Variants in CDH12 observed in about 807,000 individuals in gnomAD.
The protein encoded by CDH12 is cadherin 12, also known as cadherin-12.
Under a neutral mutation model 74.1 loss-of-function variants are expected in CDH12, and 41 were observed. The ratio of observed to expected loss-of-function variants is 0.55; its 90% CI spans 0.43 to 0.72. The LOEUF is 0.72. Ranked by LOEUF, CDH12 falls within the 30% of genes least tolerant of loss-of-function variation. The pLI is 0.00. For synonymous variants in CDH12, 399 were observed against 355.0 expected (o/e 1.12, Z -1.39); for missense variants, 945 against 977.2 (o/e 0.97, Z 0.44).
chr5:22,485,715 A>G (rs1020067471), intron 2 of CDH12, among the ~76,000 whole-genome samples: 9 of 152,192 alleles, frequency 5.9e-5, no homozygotes, highest in Non-Finnish European at 1.0e-4. Context: ...ATGGACTAAC[A>G]AAACAGGTAC....
intron 4 of CDH12, among the ~76,000 whole-genome samples, chr5:22,209,447 G>A (rs905874578): frequency 2.0e-5 from 3 of 152,234 alleles, no homozygotes; most frequent in East Asian, 1.9e-4. Flanking sequence ...CACTATTAAC[G>A]TGAGTTCCCC....
intron 7 of CDH12, among the ~76,000 whole-genome samples, chr5:21,845,645 G>C (rs1478706868): frequency 1.3e-5 from 2 of 150,728 alleles, no homozygotes; most frequent in African/African-American, 4.9e-5. Context: ...TTCAGTCATA[G>C]CATGTAGAAT....
intron 3 of CDH12, among the ~76,000 whole-genome samples, chr5:22,322,377 A>AAAC (rs1554031531): frequency 6.6e-6 from 1 of 151,854 alleles, no homozygotes; most frequent in African/African-American, 2.4e-5. Context: ...AAAAAAAAAA[A>AAAC]ACATGGTAAT....
intron 5 of CDH12, among the ~76,000 whole-genome samples, chr5:21,979,472 A>G: frequency 6.6e-6 from 1 of 152,190 alleles, no homozygotes; most frequent in Non-Finnish European, 1.5e-5. Flanking sequence ...TCAGAATGTA[A>G]GCAAATCTTT....
chr5:22,292,341 G>GTTTTTTTTTTTT (rs60010478), intron 3 of CDH12, among the ~76,000 whole-genome samples: 5 of 105,400 alleles, frequency 4.7e-5, no homozygotes, highest in Non-Finnish European at 8.0e-5. Flanking sequence ...TTTGGTTTTT[G>GTTTTTTTTTTTT]TTTTTTTTTT....
intron 7 of CDH12, among the ~76,000 whole-genome samples, chr5:21,842,821 C>T (rs963574337): frequency 2.6e-5 from 4 of 152,030 alleles, no homozygotes; most frequent in African/African-American, 9.7e-5. Context: ...ATCTTCATTA[C>T]ATATTTTATT....
At chr5:21,797,707 G>T (rs1034748769) in intron 10 of CDH12, among the ~76,000 whole-genome samples, 10 of 152,232 alleles carry the variant, frequency 6.6e-5, no homozygotes, top group African/African-American at 1.4e-4. Context: ...TACAGCAGGA[G>T]AATTTCTTTC....
chr5:22,552,952 T>C (rs575067369), intron 1 of CDH12, among the ~76,000 whole-genome samples: 6 of 152,278 alleles, frequency 3.9e-5, no homozygotes, highest in South Asian at 2.1e-4. Context: ...ATTAACATTC[T>C]TTTCAATATT....
At chr5:22,494,442 T>C (rs575181054) in intron 2 of CDH12, among the ~76,000 whole-genome samples, 296 of 152,346 alleles carry the variant, frequency 1.9e-3, no homozygotes, top group Middle Eastern at 0.017. Flanking sequence ...TGAACTGAAA[T>C]GATTGGGTAA....
At chr5:22,432,291 T>C in intron 2 of CDH12, among the ~76,000 whole-genome samples, 1 of 152,244 alleles carries the variant, frequency 6.6e-6, no homozygotes, top group Admixed American at 6.5e-5. Flanking sequence ...AGCCTAGGTG[T>C]GTAGTAGGCT....
At chr5:22,077,971 C>T (rs565554243) in intron 5 of CDH12, among the ~76,000 whole-genome samples, 8 of 152,040 alleles carry the variant, frequency 5.3e-5, no homozygotes, top group South Asian at 4.2e-4. Flanking sequence ...CACATTTTAA[C>T]GGGAAAGGAG....
intron 5 of CDH12, among the ~76,000 whole-genome samples, chr5:22,058,563 GT>G (rs1042918639): frequency 7.3e-5 from 11 of 150,092 alleles, no homozygotes; most frequent in South Asian, 4.2e-4. Flanking sequence ...ATTACCGCGG[GT>G]TTTTTTTTAA....
chr5:21,768,255 T>A (rs749495216), intron 11 of CDH12, among the ~76,000 whole-genome samples: 2 of 151,930 alleles, frequency 1.3e-5, no homozygotes, highest in Non-Finnish European at 3.0e-5. Context: ...GAGGCTCATA[T>A]CAGATAACAA....
chr5:22,529,165 G>GTA (rs375609140), intron 1 of CDH12, among the ~76,000 whole-genome samples: 6,663 of 74,716 alleles, frequency 0.089, 239 homozygotes, highest in African/African-American at 0.15. Flanking sequence ...ATACACATGT[G>GTA]TATATATATA....
intron 3 of CDH12, among the ~76,000 whole-genome samples, chr5:22,310,050 G>A (rs1240092009): frequency 6.6e-6 from 1 of 151,884 alleles, no homozygotes; most frequent in African/African-American, 2.4e-5. Flanking sequence ...ACCTAATGTA[G>A]ATGACAGGTC....
intron 6 of CDH12, among the ~76,000 whole-genome samples, chr5:21,914,080 C>T (rs1446230571): frequency 6.6e-6 from 1 of 152,136 alleles, no homozygotes; most frequent in African/African-American, 2.4e-5. Context: ...AGTAAGTCCT[C>T]AACATACACT....
chr5:22,590,668 A>C (rs1740653804), intron 1 of CDH12, among the ~76,000 whole-genome samples: 1 of 152,228 alleles, frequency 6.6e-6, no homozygotes, highest in African/African-American at 2.4e-5. Context: ...TGCAAATTAA[A>C]TTACTGTTGT....
rs187983403 is a variant in CDH12 at position 22,480,759 on chromosome 5, C to A, written c.-428+24511G>T. Among the ~76,000 whole-genome samples, 2 of 152,012 alleles carry A rather than the reference C, an allele frequency of 1.3e-5. 1 individual carries two copies. Among genetic ancestry groups the A allele is most frequent in the South Asian group, 4.1e-4 (2 of 4,832 alleles). ...CCATAGTTTTTTCCATTGCAAATGCCCAGGTGTCAGGCTAAACAGGCAGAG... is the reference window on the plus strand; with the variant it reads ...CCATAGTTTTTTCCATTGCAAATGCACAGGTGTCAGGCTAAACAGGCAGAG... On this transcript the variant is annotated intron_variant, in intron 2 of 14. Coordinates refer to ENST00000382254, the MANE Select transcript of CDH12 (RefSeq NM_004061.5).
chr5:22,554,216 G>C (rs555837614), intron 1 of CDH12, among the ~76,000 whole-genome samples: 1 of 152,182 alleles, frequency 6.6e-6, no homozygotes, highest in South Asian at 2.1e-4. Context: ...TATTCTGTAT[G>C]ATACTATAAT....
Sources: allele counts gnomAD v4.1 joint callset (sites outside exome capture counted in the v4.1 genomes callset), GRCh38; gene constraint gnomAD v4.1.1; transcripts MANE v1.5; gene names NCBI Gene and HGNC (gene_info 2026-07-23, HGNC 2026-07-21).